The following ZFP90 variants were observed in gnomAD, a reference collection of about 807,000 sequenced individuals.
ZFP90 encodes zinc finger protein 90 homolog.
In ZFP90, 38 loss-of-function variants were observed where a neutral mutation model predicts 60.8. The observed-to-expected ratio is 0.62, with a 90% CI of 0.48 to 0.82. The LOEUF (loss-of-function observed/expected upper bound fraction) is 0.82. Among genes scored for constraint, ZFP90 ranks in the 40% least tolerant of loss-of-function variants. ZFP90 has a pLI of 0.00. For synonymous variants in ZFP90, 287 were observed against 264.8 expected (o/e 1.08, Z -0.82); for missense variants, 711 against 759.1 (o/e 0.94, Z 0.74).
chr16:68,565,010 C>T lies in ZFP90; in HGVS notation c.*312C>T, dbSNP rs189752701. ...GTTTCAACATCTTGACTTGTGACCCCCAATGTCAACAGCTTTTTTAAAAAG... is the reference window on the plus strand; with the variant it reads ...GTTTCAACATCTTGACTTGTGACCCTCAATGTCAACAGCTTTTTTAAAAAG... On this transcript the variant is annotated 3_prime_UTR_variant, in exon 5 of 5. Coordinates refer to ENST00000563169, the MANE Select transcript of ZFP90 (RefSeq NM_001305203.2). The T allele has an allele frequency of 9.7e-4, 1,030 of 1,057,466 alleles. 10 individuals carry two copies. In the African/African-American group the frequency reaches 0.016, roughly 16 times the overall value. The allele number at this position is 1,057,466 out of a possible 1,614,324, so 65.5% of individuals were successfully genotyped here.
At chr16:68,559,940 C>T (rs992994823) in intron 4 of ZFP90, among the ~76,000 whole-genome samples, 6 of 152,068 alleles carry the variant, frequency 3.9e-5, no homozygotes, top group African/African-American at 7.2e-5. Context: ...TCTATCACAG[C>T]TCCCTGCAGC....
chr16:68,556,822 C>G (rs1164958858), intron 2 of ZFP90, among the ~76,000 whole-genome samples: 1 of 152,058 alleles, frequency 6.6e-6, no homozygotes, highest in Non-Finnish European at 1.5e-5. Context: ...GACAGCCTTC[C>G]CGAGGAGGCC....
In ZFP90 at chr16:68,564,954, T is replaced by A. The variant is rs2091502179; in HGVS notation, c.*256T>A. 2.5e-6 allele frequency: 3 copies of A among 1,217,286 alleles called. No individual in the cohort carries two copies. The African/African-American group carries it at 4.7e-5, about 19-fold the overall frequency. The allele number at this position is 1,217,286 out of a possible 1,614,324, so 75.4% of individuals were successfully genotyped here. On this transcript the variant is annotated 3_prime_UTR_variant, in exon 5 of 5. Transcript: ENST00000563169. ...GATATGCCTGTATGTTGGACTTTGCTTTTGAATATATGTATGCAGGATATC... is the reference window on the plus strand; with the variant it reads ...GATATGCCTGTATGTTGGACTTTGCATTTGAATATATGTATGCAGGATATC...
chr16:68,560,281 T>TC (rs1287355207), intron 4 of ZFP90, among the ~76,000 whole-genome samples: 2 of 152,286 alleles, frequency 1.3e-5, no homozygotes, highest in Non-Finnish European at 2.9e-5. Context: ...TAACAGTTAC[T>TC]CCCCATTCCC....
In ZFP90 at chr16:68,564,737, A is replaced by G. The variant is rs2091497808; in HGVS notation, c.*39A>G. On this transcript the variant is annotated 3_prime_UTR_variant, in exon 5 of 5. Coordinates refer to ENST00000563169, the MANE Select transcript of ZFP90 (RefSeq NM_001305203.2). ...AAGGAATTTGCAGAATGCTTTAGCT[A>G]AAATGTTCTGATTCAGGATCAGAGG... 3 of 1,556,324 alleles carry G rather than the reference A, an allele frequency of 1.9e-6. No homozygotes were observed. The highest frequency in any genetic ancestry group is 2.6e-6 in the Non-Finnish European group (3 of 1,156,624).
chr16:68,556,402 G>A (rs1156337603), intron 2 of ZFP90, among the ~76,000 whole-genome samples: 1 of 152,210 alleles, frequency 6.6e-6, no homozygotes, highest in Non-Finnish European at 1.5e-5. Context: ...CCTAGCCGTT[G>A]TAATTTTAGC....
At chr16:68,575,074 G>C (rs1286940743) in intron 2 of ZFP90, among the ~76,000 whole-genome samples, 1 of 152,208 alleles carries the variant, frequency 6.6e-6, no homozygotes, top group African/African-American at 2.4e-5. Context: ...ATAAGCTGTG[G>C]TTTAGACAAC....
chr16:68,563,003 A>T, intron 4 of ZFP90, 41 bp from the exon 5 acceptor site: 1 of 1,610,824 alleles, frequency 6.2e-7, no homozygotes, highest in Non-Finnish European at 8.5e-7. Context: ...GTATTTCAAC[A>T]GGAAGGAATA....
chr16:68,551,390 G>T (rs1178089169), intron 2 of ZFP90, among the ~76,000 whole-genome samples: 1 of 149,182 alleles, frequency 6.7e-6, no homozygotes, highest in East Asian at 2.0e-4. Flanking sequence ...TTGTATGTCA[G>T]CATAAGGAAA....
chr16:68,540,581 G>A (rs2091023937), intron 2 of ZFP90, among the ~76,000 whole-genome samples: 1 of 151,966 alleles, frequency 6.6e-6, no homozygotes, highest in Non-Finnish European at 1.5e-5. Flanking sequence ...AGATCCAGAT[G>A]GTATCTGTAT....
At chr16:68,570,268 C>T (rs2091561042), downstream of ZFP90, among the ~76,000 whole-genome samples, 2 of 152,134 alleles carry the variant, frequency 1.3e-5, no homozygotes, top group African/African-American at 2.4e-5. Context: ...TGGTCTTTTT[C>T]AGTCCTATTG....
chr16:68,553,732 C>T (rs1382095252), intron 2 of ZFP90, among the ~76,000 whole-genome samples: 1 of 152,186 alleles, frequency 6.6e-6, no homozygotes, highest in South Asian at 2.1e-4. Flanking sequence ...AGTCCTCCTG[C>T]CTCAGCCCTC....
In ZFP90 at chr16:68,549,678, C is replaced by CAAAAAAA. The variant is rs35335958; in HGVS notation, c.34-8306_34-8300dup. ...TGGGCGACTGAGCAAGACTCCATCTCAAAAAAAAAAAAAAAAAAAAGTCTT... is the reference window on the plus strand; with the variant it reads ...TGGGCGACTGAGCAAGACTCCATCTCAAAAAAAAAAAAAAAAAAAAAAAAAAAGTCTT... On this transcript the variant is annotated intron_variant, in intron 2 of 4. Coordinates refer to ENST00000563169, the MANE Select transcript of ZFP90 (RefSeq NM_001305203.2). Among the ~76,000 whole-genome samples, 158 of 62,896 alleles carry CAAAAAAA rather than the reference C, an allele frequency of 2.5e-3. 13 individuals carry two copies. The highest frequency in any genetic ancestry group is 0.011 in the African/African-American group (146 of 13,076). The allele number at this position is 62,896 out of a possible 152,430, so 41.3% of individuals were successfully genotyped here. A position where few individuals can be genotyped will look rare whatever the true frequency, so the allele number is the denominator to read the frequency against.
upstream of ZFP90, chr16:68,539,273 C>G (rs911892356): frequency 6.5e-6 from 1 of 155,010 alleles, no homozygotes; most frequent in Admixed American, 6.5e-5. Context: ...AGGAGCGAGG[C>G]TCCGAGTGCG....
Position 68,553,229 on chromosome 16 carries a change from A to G in ZFP90, c.34-4769A>G, listed in dbSNP as rs563661879. Among the ~76,000 whole-genome samples, 18 of 152,284 alleles carry G rather than the reference A, an allele frequency of 1.2e-4. No homozygotes were observed. In the South Asian group the frequency reaches 1.2e-3, roughly 11 times the overall value. The stretch of plus-strand genomic sequence containing the variant: ...AGGTGGCAAAGGCTGTGAAAAAGAC[A>G]GTGAGAATGTAGAATGGGGTGCTAT... On this transcript the variant is annotated intron_variant, in intron 2 of 4. Coordinates refer to ENST00000563169, the MANE Select transcript of ZFP90 (RefSeq NM_001305203.2).
At chr16:68,544,881 T>A (rs1260374737) in intron 2 of ZFP90, among the ~76,000 whole-genome samples, 2 of 28,918 alleles carry the variant, frequency 6.9e-5, no homozygotes, top group Non-Finnish European at 1.5e-4. Context: ...TTTTTTTTTT[T>A]TTTTTTTTTT....
At chr16:68,553,084 C>T (rs2091286768) in intron 2 of ZFP90, among the ~76,000 whole-genome samples, 1 of 151,996 alleles carries the variant, frequency 6.6e-6, no homozygotes, top group Non-Finnish European at 1.5e-5. Context: ...TTGTGGAGCA[C>T]CTACTACATG....
In ZFP90 at chr16:68,563,869, G is replaced by C. The variant is rs770749774; in HGVS notation, c.1082G>C (p.Ser361Thr). The C allele has an allele frequency of 3.1e-6, 5 of 1,613,940 alleles. No individual in the cohort carries two copies. The Admixed American group carries it at 5.0e-5, about 16-fold the overall frequency. The change falls in exon 5 of 5, where the codon AGT becomes ACT. Residue 361 changes from serine to threonine, a missense_variant. Physicochemically the swap from Ser to Thr is moderately conservative, Grantham distance 58. This residue lies in a region of ZFP90 where 146 missense variants were observed against 201.4 expected (regional missense o/e 0.73). Transcript: ENST00000563169. ...CTCACTCAACACGAGGTCACACACAGTGGAGAGAAGCCCTTCCAGTGTAAG... is the reference window on the plus strand; with the variant it reads ...CTCACTCAACACGAGGTCACACACACTGGAGAGAAGCCCTTCCAGTGTAAG... ...TSLTQHEVTH[S>T]GEKPFQCKEC...
Position 68,564,615 on chromosome 16 carries a change from T to C in ZFP90, c.1828T>C (p.Ser610Pro). The C allele has an allele frequency of 6.2e-7, 1 of 1,614,032 alleles. No homozygotes were observed. Among genetic ancestry groups the C allele is most frequent in the Non-Finnish European group, 8.5e-7 (1 of 1,179,980 alleles). The change falls in exon 5 of 5, where the codon TCT (serine) becomes CCT (proline). Residue 610 changes from serine (S) to proline (P), a missense_variant. Physicochemically the swap from Ser to Pro is moderately conservative, Grantham distance 74. This residue lies in a region of ZFP90 where 295 missense variants were observed against 274.0 expected (regional missense o/e 1.08). Coordinates refer to ENST00000563169, the MANE Select transcript of ZFP90 (RefSeq NM_001305203.2). ...AATTCATACTGGAGAAAAACCCTAT[T>C]CTTGTAAGGAATGTGGGAAAAACTT... ...QRIHTGEKPY[S>P]CKECGKNFSR...
Sources: allele counts gnomAD v4.1 joint callset (sites outside exome capture counted in the v4.1 genomes callset), GRCh38; gene constraint gnomAD v4.1.1; regional missense constraint gnomAD v4.1.1; transcripts MANE v1.5; gene names NCBI Gene and HGNC (gene_info 2026-07-23, HGNC 2026-07-21).